Variants in PDE4D observed in about 807,000 individuals in gnomAD.
PDE4D encodes the protein 3',5'-cyclic-AMP phosphodiesterase 4D.
Under a neutral mutation model 87.4 loss-of-function variants are expected in PDE4D, and 24 were observed. That is an observed-to-expected ratio of 0.27 (90% CI 0.20 to 0.39). PDE4D has a LOEUF of 0.39. Among genes scored for constraint, PDE4D ranks in the 10% least tolerant of loss-of-function variants. The probability of loss-of-function intolerance (pLI) is 1.00; values close to 1 mark genes in which losing one functional copy is unlikely to be tolerated. For synonymous variants in PDE4D, 384 were observed against 383.2 expected (o/e 1.00, Z -0.02); for missense variants, 714 against 1,041.0 (o/e 0.69, Z 4.32).
At chr5:59,015,540 C>T (rs1490034289) in intron 6 of PDE4D, among the ~76,000 whole-genome samples, 1 of 151,672 alleles carries the variant, frequency 6.6e-6, no homozygotes, top group African/African-American at 2.4e-5. Flanking sequence ...TCATGACTGG[C>T]CATCAGAGAA....
At chr5:59,002,134 C>T (rs1331268988) in intron 6 of PDE4D, 1 of 473,046 alleles carries the variant, frequency 2.1e-6, no homozygotes, top group Non-Finnish European at 4.2e-6. Flanking sequence ...TTTAATATCA[C>T]CCCCTCTAAC....
chr5:59,842,694 T>C (rs776978680), intron 1 of PDE4D, among the ~76,000 whole-genome samples: 1 of 152,100 alleles, frequency 6.6e-6, no homozygotes, highest in Non-Finnish European at 1.5e-5. Context: ...TGTACACATA[T>C]AATAATGTCA....
At chr5:59,916,016 C>T (rs1754001892) in intron 3 of PDE4D, among the ~76,000 whole-genome samples, 1 of 152,180 alleles carries the variant, frequency 6.6e-6, no homozygotes, top group African/African-American at 2.4e-5. Context: ...GTCCCCAGAA[C>T]TATCTATAAC....
At chr5:59,097,436 G>T (rs1299030211) in intron 5 of PDE4D, among the ~76,000 whole-genome samples, 1 of 152,056 alleles carries the variant, frequency 6.6e-6, no homozygotes, top group East Asian at 1.9e-4. Context: ...CCTGCTCACT[G>T]TATTTCACAA....
chr5:60,081,481 T>A (rs1194577886), intron 2 of PDE4D, among the ~76,000 whole-genome samples: 2 of 152,134 alleles, frequency 1.3e-5, no homozygotes, highest in Non-Finnish European at 2.9e-5. Context: ...AATTGTGATA[T>A]TAGGGTGTCG....
At chr5:59,830,915 T>A (rs562041376) in intron 1 of PDE4D, among the ~76,000 whole-genome samples, 1 of 152,084 alleles carries the variant, frequency 6.6e-6, no homozygotes, top group African/African-American at 2.4e-5. Context: ...ATTTTAATGG[T>A]TAAGAAACTA....
chr5:59,688,159 A>G (rs1366905348), intron 1 of PDE4D, among the ~76,000 whole-genome samples: 1 of 152,226 alleles, frequency 6.6e-6, no homozygotes, highest in Non-Finnish European at 1.5e-5. Flanking sequence ...GGATAGATCA[A>G]CGAGACAGAA....
intron 1 of PDE4D, among the ~76,000 whole-genome samples, chr5:60,242,764 A>G (rs142816757): frequency 3.3e-3 from 497 of 152,212 alleles, no homozygotes; most frequent in Middle Eastern, 0.017. Flanking sequence ...GAGGGAAATT[A>G]TAAAATTTCT....
chr5:59,663,872 A>T (rs915449491), intron 1 of PDE4D, among the ~76,000 whole-genome samples: 3 of 152,204 alleles, frequency 2.0e-5, no homozygotes, highest in Non-Finnish European at 2.9e-5. Flanking sequence ...ATAACATAAC[A>T]TTCAGCTCTA....
intron 1 of PDE4D, among the ~76,000 whole-genome samples, chr5:59,264,035 CAT>C (rs1294381867): frequency 6.6e-6 from 1 of 151,974 alleles, no homozygotes; most frequent in Non-Finnish European, 1.5e-5. Flanking sequence ...AAAAAATACA[CAT>C]GTATTTGTAT....
chr5:60,428,858 T>C (rs1431285394), intron 1 of PDE4D, among the ~76,000 whole-genome samples: 1 of 152,192 alleles, frequency 6.6e-6, no homozygotes, highest in African/African-American at 2.4e-5. Context: ...TGGCAAAGGA[T>C]ATAATAATCT....
At chr5:60,323,289 C>A (rs1441112862) in intron 1 of PDE4D, among the ~76,000 whole-genome samples, 4 of 152,184 alleles carry the variant, frequency 2.6e-5, no homozygotes, top group South Asian at 2.1e-4. Flanking sequence ...CCAAACATAT[C>A]CAAAATTGAA....
intron 1 of PDE4D, among the ~76,000 whole-genome samples, chr5:59,339,920 G>A (rs925742006): frequency 2.0e-5 from 3 of 151,156 alleles, no homozygotes; most frequent in Non-Finnish European, 4.4e-5. Flanking sequence ...AATTTAGTGG[G>A]TTTTTTTGTT....
At chr5:60,167,533 T>A (rs528720211) in intron 2 of PDE4D, among the ~76,000 whole-genome samples, 3 of 152,320 alleles carry the variant, frequency 2.0e-5, no homozygotes, top group African/African-American at 7.2e-5. Context: ...CTGAACTGTG[T>A]ATTTTCAAAT....
At chr5:60,128,832 G>C (rs1185908737) in intron 2 of PDE4D, among the ~76,000 whole-genome samples, 1 of 152,152 alleles carries the variant, frequency 6.6e-6, no homozygotes, top group Non-Finnish European at 1.5e-5. Context: ...GATACAGACA[G>C]AATGATCAAA....
intron 8 of PDE4D, among the ~76,000 whole-genome samples, chr5:58,991,120 A>G (rs1194285739): frequency 2.6e-5 from 4 of 152,036 alleles, no homozygotes; most frequent in Admixed American, 2.6e-4. Flanking sequence ...ATCTCCACTA[A>G]AAATAAAAAA....
At position 59,439,519 on chromosome 5, in the gene PDE4D, A is replaced by T. The variant is rs151227536; in HGVS notation, c.456-223551T>A. On this transcript the variant is annotated intron_variant, in intron 1 of 14. Coordinates refer to ENST00000340635, the MANE Select transcript of PDE4D (RefSeq NM_001104631.2). ...CACTTAGGCCTTATTCACTCATTCA[A>T]CAAATATTTATCAAGTTACTATTCT... is the stretch of plus-strand genomic sequence containing the variant. 5.6e-3 allele frequency among the ~76,000 whole-genome samples: 846 copies of T among 152,332 alleles called. 4 individuals are homozygous for T. The highest frequency in any genetic ancestry group is 0.048 in the Middle Eastern group (14 of 294).
At chr5:59,561,321 T>C (rs1005774006) in intron 1 of PDE4D, among the ~76,000 whole-genome samples, 6 of 152,192 alleles carry the variant, frequency 3.9e-5, no homozygotes, top group Admixed American at 3.3e-4. Context: ...CTAGTACACG[T>C]ATTCAAGTAA....
chr5:59,741,805 T>C (rs1028158525), intron 1 of PDE4D, among the ~76,000 whole-genome samples: 2 of 152,180 alleles, frequency 1.3e-5, no homozygotes, highest in Non-Finnish European at 2.9e-5. Context: ...AAGCTGACTA[T>C]GGAAAATTTT....
Sources: gnomAD v4.1 joint callset for allele counts (sites outside exome capture counted in the v4.1 genomes callset) on GRCh38, gnomAD v4.1.1 for gene constraint, MANE v1.5 for transcripts, NCBI Gene and HGNC (gene_info 2026-07-23, HGNC 2026-07-21) for gene names.